Variants in SLC35E1 observed in about 807,000 individuals in gnomAD.
SLC35E1 encodes the protein solute carrier family 35 member E1.
In SLC35E1, 12 loss-of-function variants were observed where a neutral mutation model predicts 31.0. That is an observed-to-expected ratio of 0.39 (90% CI 0.25 to 0.63). The LOEUF is 0.63. Among genes scored for constraint, SLC35E1 ranks in the 20% least tolerant of loss-of-function variants. The pLI, the probability that SLC35E1 is intolerant of heterozygous loss-of-function variation, is 0.52. For missense variants in SLC35E1, 429 were observed against 572.2 expected, an observed-to-expected ratio of 0.75 and a Z score of 2.55; for synonymous variants, 257 against 264.1, an observed-to-expected ratio of 0.97 and a Z score of 0.26.
At chr19:16,558,139 GTT>G (rs1313750686) in intron 4 of SLC35E1, among the ~76,000 whole-genome samples, 1 of 152,046 alleles carries the variant, frequency 6.6e-6, no homozygotes, top group Non-Finnish European at 1.5e-5. Flanking sequence ...TGCCTCCCGG[GTT>G]CAAGTGATTC....
intron 4 of SLC35E1, among the ~76,000 whole-genome samples, chr19:16,559,465 C>A (rs770544088): frequency 7.6e-4 from 21 of 27,548 alleles, no homozygotes; most frequent in Non-Finnish European, 3.8e-3. Context: ...ACAAAAAATA[C>A]ACACACACAC....
chr19:16,561,019 T>C (rs1009649570), intron 4 of SLC35E1, among the ~76,000 whole-genome samples: 4 of 146,804 alleles, frequency 2.7e-5, no homozygotes, highest in East Asian at 2.0e-4. Flanking sequence ...CTGGCCAACA[T>C]GGTGAAACCC....
Position 16,549,911 on chromosome 19 carries a change from T to C in SLC35E1, c.*3768A>G, listed in dbSNP as rs555446595. 2 of 152,356 alleles carry C rather than the reference T, an allele frequency of 1.3e-5. No individual in the cohort carries two copies. Among genetic ancestry groups the C allele is most frequent in the East Asian group, 3.9e-4 (2 of 5,186 alleles). The allele number at this position is 152,356 out of a possible 1,614,324, so 9.4% of individuals were successfully genotyped here. On this transcript the variant is annotated 3_prime_UTR_variant, in exon 6 of 6. Coordinates refer to ENST00000595753, the MANE Select transcript of SLC35E1 (RefSeq NM_024881.5). ...CACGTCATTCCTGCAGAAAAGTCTA[T>C]AGCATTTAAGTCTTGAAAACAGGTG...
chr19:16,568,259 C>G, intron 2 of SLC35E1, 90 bp from the exon 3 acceptor site: 1 of 1,465,558 alleles, frequency 6.8e-7, no homozygotes. Flanking sequence ...CCCTCTCCTC[C>G]CTCAGCAAAG....
chr19:16,557,536 A>G (rs1207038023), intron 4 of SLC35E1, among the ~76,000 whole-genome samples: 1 of 152,158 alleles, frequency 6.6e-6, no homozygotes, highest in Non-Finnish European at 1.5e-5. Context: ...TGGAACCACC[A>G]TGACCATCAG....
intron 1 of SLC35E1, 108 bp downstream of exon 1, chr19:16,571,835 GA>G (rs2085960349): frequency 2.4e-6 from 3 of 1,229,494 alleles, no homozygotes; most frequent in Non-Finnish European, 3.3e-6. Context: ...CCCCTCTGCT[GA>G]CTTCTCAGTC....
chr19:16,571,577 C>T lies in SLC35E1; in HGVS notation c.427G>A (p.Ala143Thr). The part of the protein sequence containing the change: ...VPVSYAHTVK[A>T]TMPIWVVLLS... Reference sequence around the variant, plus strand: ...AGGACCACCCAGATGGGCATGGTGGCCTTGACTGCAAAGAGAGGGATGGGC... The same window carrying T: ...AGGACCACCCAGATGGGCATGGTGGTCTTGACTGCAAAGAGAGGGATGGGC... Residue 143 changes from alanine (A) to threonine (T), a missense_variant, in exon 2 of 6, where the codon GCC becomes ACC. By Grantham distance (58) the Ala-to-Thr change is moderately conservative. Coordinates refer to ENST00000595753, the MANE Select transcript of SLC35E1 (RefSeq NM_024881.5). 1 of 1,613,794 alleles carries T rather than the reference C, an allele frequency of 6.2e-7. No individual in the cohort carries two copies. Among genetic ancestry groups the T allele is most frequent in the Admixed American group, 1.7e-5 (1 of 60,016 alleles).
At chr19:16,560,010 T>C (rs1599317979) in intron 4 of SLC35E1, among the ~76,000 whole-genome samples, 2 of 152,112 alleles carry the variant, frequency 1.3e-5, no homozygotes, top group East Asian at 1.9e-4. Flanking sequence ...CTTCTGTGGG[T>C]TGTGGTTCCA....
chr19:16,558,627 C>T (rs1197402830), intron 4 of SLC35E1, among the ~76,000 whole-genome samples: 1 of 152,098 alleles, frequency 6.6e-6, no homozygotes, highest in East Asian at 1.9e-4. Context: ...TATGCATGAA[C>T]CACTGCACCC....
intron 5 of SLC35E1, among the ~76,000 whole-genome samples, chr19:16,554,267 GAAAA>G (rs778901992): frequency 3.9e-5 from 2 of 51,692 alleles, no homozygotes; most frequent in African/African-American, 7.4e-5. Flanking sequence ...CGCTGTCTCA[GAAAA>G]AAAAAAAAAA....
intron 4 of SLC35E1, among the ~76,000 whole-genome samples, chr19:16,563,494 A>G (rs1217914967): frequency 1.3e-5 from 2 of 152,168 alleles, no homozygotes; most frequent in African/African-American, 4.8e-5. Context: ...GGGAGAGTAC[A>G]GGAATCATGA....
chr19:16,553,669 C>T lies in SLC35E1; in HGVS notation c.*10G>A, dbSNP rs781101059. On this transcript the variant is annotated 3_prime_UTR_variant, in exon 6 of 6. Coordinates refer to ENST00000595753, the MANE Select transcript of SLC35E1 (RefSeq NM_024881.5). Reference sequence around the variant, plus strand: ...GGAGTCACCAACAGTCTGGTCCTGTCCTTTGGACTCTACACATCATAGCGG... The same window carrying T: ...GGAGTCACCAACAGTCTGGTCCTGTTCTTTGGACTCTACACATCATAGCGG... 1.3e-6 allele frequency: 2 copies of T among 1,510,278 alleles called. No homozygotes were observed. The highest frequency in any genetic ancestry group is 4.0e-5 in the Admixed American group (2 of 50,118). 93.6% of individuals were successfully genotyped at this position (1,510,278 alleles called of 1,614,324 possible).
intron 4 of SLC35E1, among the ~76,000 whole-genome samples, chr19:16,560,858 T>A (rs1599318430): frequency 1.1e-5 from 1 of 92,272 alleles, no homozygotes; most frequent in Admixed American, 1.8e-4. Flanking sequence ...TGAGACTCCA[T>A]CTCAAAAACA....
In SLC35E1 at chr19:16,555,028, C is replaced by T. The variant is rs2122323468; in HGVS notation, c.1002+124G>A. ...GATGGGGCTACGCCAAGATCATAAA[C>T]CAGTCAGTGGCAAAGCTCTGACATA... On this transcript the variant is annotated intron_variant, in intron 5 of 5. Transcript: ENST00000595753. This position sits in a 1 kb window ranked among gnomAD's most constrained non-coding sequence, Gnocchi z 4.1. 7.2e-7 allele frequency: 1 copy of T among 1,380,722 alleles called. No homozygotes were observed. The highest frequency in any genetic ancestry group is 1.4e-5 in the South Asian group (1 of 70,048). 85.5% of individuals were successfully genotyped at this position (1,380,722 alleles called of 1,614,324 possible). A position where few individuals can be genotyped will look rare whatever the true frequency, so the allele number is the denominator to read the frequency against.
In SLC35E1 at chr19:16,566,412, G is replaced by A. The variant is rs1219132060; in HGVS notation, c.756+120C>T. 31 of 1,367,862 alleles carry A rather than the reference G, an allele frequency of 2.3e-5. No homozygotes were observed. In the East Asian group the frequency reaches 3.4e-4, roughly 15 times the overall value. 84.7% of individuals were successfully genotyped at this position (1,367,862 alleles called of 1,614,324 possible). A position where few individuals can be genotyped will look rare whatever the true frequency, so the allele number is the denominator to read the frequency against. On this transcript the variant is annotated intron_variant, in intron 4 of 5. Coordinates refer to ENST00000595753, the MANE Select transcript of SLC35E1 (RefSeq NM_024881.5). ...TTACAGAGGACTGACTGCTGAAAGC[G>A]CTGGCTGTCAGGTGCCCAAAAGATA... is the stretch of plus-strand genomic sequence containing the variant.
rs1428381278 is a variant in SLC35E1 at position 16,571,494 on chromosome 19, G to A, written c.492+18C>T. ...CCCCTGGAGCTCCCATCTGCCCAGA[G>A]TCCCTGCCCGGGGTTACCTTGGTGC... On this transcript the variant is annotated intron_variant, in intron 2 of 5. Transcript: ENST00000595753. The A allele has an allele frequency of 6.2e-7, 1 of 1,613,632 alleles. No homozygotes were observed. Among genetic ancestry groups the A allele is most frequent in the Non-Finnish European group, 8.5e-7 (1 of 1,179,700 alleles).
chr19:16,558,028 G>C (rs1464424783), intron 4 of SLC35E1, among the ~76,000 whole-genome samples: 2 of 151,722 alleles, frequency 1.3e-5, no homozygotes, highest in Middle Eastern at 3.2e-3. Flanking sequence ...TAGCCAGGAT[G>C]GTGAAGTTTT....
At position 16,571,648 on chromosome 19, in the gene SLC35E1, C is replaced by A. The variant is rs1001658805; in HGVS notation, c.422-66G>T. 25 of 1,563,936 alleles carry A rather than the reference C, an allele frequency of 1.6e-5. No individual in the cohort carries two copies. The African/African-American group carries it at 2.7e-4, about 17-fold the overall frequency. On this transcript the variant is annotated intron_variant, in intron 1 of 5. Coordinates refer to ENST00000595753, the MANE Select transcript of SLC35E1 (RefSeq NM_024881.5). ...TTCAGGGCCCAACCTGTTCCACCTC[C>A]ACGGCGGGATGGGAGGGCCTGGCAG...
chr19:16,567,644 C>T (rs116974488), intron 3 of SLC35E1, among the ~76,000 whole-genome samples: 1 of 152,310 alleles, frequency 6.6e-6, no homozygotes, highest in East Asian at 1.9e-4. Flanking sequence ...TCACTGCAAG[C>T]CCCGCTTCCT....
Sources: gnomAD v4.1 joint callset for allele counts (sites outside exome capture counted in the v4.1 genomes callset) on GRCh38, gnomAD v4.1.1 for gene constraint, Gnocchi (gnomAD v3.1) non-coding constraint, MANE v1.5 for transcripts, NCBI Gene and HGNC (gene_info 2026-07-23, HGNC 2026-07-21) for gene names.